Variants in BAZ2B observed in about 807,000 individuals in gnomAD.
The protein encoded by BAZ2B is bromodomain adjacent to zinc finger domain 2B.
A neutral mutation model predicts 246.0 loss-of-function variants in BAZ2B; 91 were observed. The ratio of observed to expected loss-of-function variants is 0.37; its 90% CI spans 0.31 to 0.44. The LOEUF (loss-of-function observed/expected upper bound fraction) is 0.44, where lower values mean the gene tolerates loss of function less well. Among genes scored for constraint, BAZ2B ranks in the 20% least tolerant of loss-of-function variants. BAZ2B has a pLI of 1.00. For synonymous variants in BAZ2B, 855 were observed against 860.0 expected (o/e 0.99, Z 0.10); for missense variants, 2,332 against 2,533.7 (o/e 0.92, Z 1.71).
At chr2:159,561,939 A>C (rs1213266064) in intron 1 of BAZ2B, among the ~76,000 whole-genome samples, 1 of 152,178 alleles carries the variant, frequency 6.6e-6, no homozygotes, top group Non-Finnish European at 1.5e-5. Flanking sequence ...TGGATTTTGG[A>C]GAACTGAGTT....
At position 159,349,951 on chromosome 2, in the gene BAZ2B, G is replaced by A. The variant is rs768636871; in HGVS notation, c.4620C>T (p.Tyr1540=). 1.9e-5 allele frequency: 31 copies of A among 1,614,162 alleles called. No individual in the cohort carries two copies. Among genetic ancestry groups the A allele is most frequent in the Non-Finnish European group, 1.2e-5 (14 of 1,179,996 alleles). Residue 1540 remains tyrosine (Y), a synonymous_variant, in exon 28 of 37, where the codon TAC becomes TAT. Coordinates refer to ENST00000392783, the MANE Select transcript of BAZ2B (RefSeq NM_013450.4). ...NTGSSGPGKF[Y]SPLPNDQLLK... The stretch of plus-strand genomic sequence containing the variant: ...GTAACTGGTCATTGGGGAGAGGACT[G>A]TAGAACTTCCCTGGACCACTTGAAC...
chr2:159,451,522 G>A (rs2075092245), intron 4 of BAZ2B, among the ~76,000 whole-genome samples: 1 of 152,096 alleles, frequency 6.6e-6, no homozygotes, highest in South Asian at 2.1e-4. Context: ...TGAAAACTAG[G>A]CATAGTCTCT....
At chr2:159,599,935 C>CAAAAAAAAA (rs11303439) in intron 1 of BAZ2B, among the ~76,000 whole-genome samples, 1 of 101,610 alleles carries the variant, frequency 9.8e-6, no homozygotes, top group Non-Finnish European at 1.9e-5. Flanking sequence ...GACTCCTTCT[C>CAAAAAAAAA]AAAAAAAAAA....
chr2:159,482,325 T>C (rs1365089076), intron 2 of BAZ2B, among the ~76,000 whole-genome samples: 1 of 152,168 alleles, frequency 6.6e-6, no homozygotes, highest in Admixed American at 6.5e-5. Context: ...AGTTGTGATT[T>C]TGTAAAAATT....
the BAZ2B span, among the ~76,000 whole-genome samples, chr2:159,634,881 T>G: frequency 2.0e-5 from 3 of 152,190 alleles, no homozygotes; most frequent in Non-Finnish European, 4.4e-5. Flanking sequence ...AACTTCTCTC[T>G]TTTTCCCTCC....
At chr2:159,534,088 A>G (rs1000586227) in intron 2 of BAZ2B, among the ~76,000 whole-genome samples, 1 of 152,244 alleles carries the variant, frequency 6.6e-6, no homozygotes, top group African/African-American at 2.4e-5. Context: ...ATTTCAAGTA[A>G]AAACCTTGTA....
the BAZ2B span, chr2:159,695,354 T>C: frequency 2.0e-5 from 3 of 152,156 alleles, no homozygotes; most frequent in Admixed American, 6.6e-5. Context: ...AGGTTTTTGT[T>C]TGTTTTACTT....
rs149864018 is a variant in BAZ2B, at chr2:159,386,680, A to G, written c.3217-73T>C. Reference sequence around the variant, plus strand: ...TAAAAGCCATGATTTCGTATCTTCTAAAGTAAAATAAGCTGCTACCTTTTT... The same window carrying G: ...TAAAAGCCATGATTTCGTATCTTCTGAAGTAAAATAAGCTGCTACCTTTTT... On this transcript the variant is annotated intron_variant, in intron 21 of 36. Coordinates refer to ENST00000392783, the MANE Select transcript of BAZ2B (RefSeq NM_013450.4). The G allele has an allele frequency of 5.5e-3, 7,870 of 1,424,084 alleles. 36 individuals carry two copies. The highest frequency in any genetic ancestry group is 6.6e-3 in the Non-Finnish European group (7,111 of 1,072,484). The allele number at this position is 1,424,084 out of a possible 1,614,324, so 88.2% of individuals were successfully genotyped here.
upstream of BAZ2B, among the ~76,000 whole-genome samples, chr2:159,620,501 G>T (rs1265769424): frequency 8.5e-5 from 13 of 152,266 alleles, no homozygotes; most frequent in East Asian, 2.3e-3. Flanking sequence ...ATAAAGTTTT[G>T]TGAGAATAAA....
At chr2:159,697,891 G>C in the BAZ2B span, among the ~76,000 whole-genome samples, 1 of 151,924 alleles carries the variant, frequency 6.6e-6, no homozygotes, top group South Asian at 2.1e-4. Flanking sequence ...TTTTATATGC[G>C]GGTTAGAGTT....
chr2:159,480,689 G>A (rs1331113821), intron 2 of BAZ2B, among the ~76,000 whole-genome samples: 2 of 152,066 alleles, frequency 1.3e-5, no homozygotes, highest in Non-Finnish European at 2.9e-5. Context: ...CTGGCAATGA[G>A]AGTAGAACTA....
intron 1 of BAZ2B, among the ~76,000 whole-genome samples, chr2:159,561,385 C>T (rs1453911866): frequency 6.6e-6 from 1 of 152,208 alleles, no homozygotes; most frequent in Non-Finnish European, 1.5e-5. Flanking sequence ...TGATGCAGCC[C>T]TCACCAGAAG....
Position 159,491,720 on chromosome 2 carries a change from C to CAAAAAAAAAA in BAZ2B, c.-2-13009_-2-13000dup, listed in dbSNP as rs773067675. On this transcript the variant is annotated intron_variant, in intron 2 of 36. Transcript: ENST00000392783. ...CGGGCGACAGAGCGAGACTCCGTCT[C>CAAAAAAAAAA]AAAAAAAAAAAAAAAAAAAAAAAAA... Among the ~76,000 whole-genome samples the CAAAAAAAAAA allele has an allele frequency of 3.0e-3, 89 of 29,552 alleles. 21 individuals carry two copies. The highest frequency in any genetic ancestry group is 0.016 in the African/African-American group (74 of 4,580). The allele number at this position is 29,552 out of a possible 152,430, so 19.4% of individuals were successfully genotyped here. A position where few individuals can be genotyped will look rare whatever the true frequency, so the allele number is the denominator to read the frequency against.
intron 2 of BAZ2B, among the ~76,000 whole-genome samples, chr2:159,492,232 T>G (rs1157218776): frequency 6.6e-6 from 1 of 152,194 alleles, no homozygotes; most frequent in Non-Finnish European, 1.5e-5. Flanking sequence ...TAATTGCATA[T>G]CAAATCCTTC....
At chr2:159,627,264 C>T in the BAZ2B span, among the ~76,000 whole-genome samples, 1 of 151,886 alleles carries the variant, frequency 6.6e-6, no homozygotes, top group African/African-American at 2.4e-5. Flanking sequence ...TGGTACCATT[C>T]CTTCTGAAAC....
the BAZ2B span, among the ~76,000 whole-genome samples, chr2:159,646,315 A>C: frequency 6.6e-6 from 1 of 152,320 alleles, no homozygotes; most frequent in East Asian, 1.9e-4. Flanking sequence ...GTTTAAGGTT[A>C]TCTCTCTTGT....
chr2:159,399,605 T>C (rs974437242), intron 17 of BAZ2B, among the ~76,000 whole-genome samples: 3 of 152,162 alleles, frequency 2.0e-5, no homozygotes, highest in African/African-American at 4.8e-5. Flanking sequence ...GTTTCATAAC[T>C]AGTAGTTACT....
At chr2:159,528,343 T>C (rs1274745688) in intron 2 of BAZ2B, among the ~76,000 whole-genome samples, 1 of 151,776 alleles carries the variant, frequency 6.6e-6, no homozygotes, top group Admixed American at 6.6e-5. Context: ...TGAGAAATAT[T>C]TAGGGGGAAA....
At chr2:159,647,039 C>T in the BAZ2B span, among the ~76,000 whole-genome samples, 5 of 152,222 alleles carry the variant, frequency 3.3e-5, no homozygotes, top group South Asian at 1.0e-3. Flanking sequence ...GGATGCATAT[C>T]AAAACTTCCA....
Sources: allele counts gnomAD v4.1 joint callset (sites outside exome capture counted in the v4.1 genomes callset), GRCh38; gene constraint gnomAD v4.1.1; transcripts MANE v1.5; gene names NCBI Gene and HGNC (gene_info 2026-07-23, HGNC 2026-07-21).